WNT3: variants seen among roughly 807,000 people sequenced by gnomAD.
WNT3 encodes Wnt family member 3.
Under a neutral mutation model 34.2 loss-of-function variants are expected in WNT3, and 7 were observed. The observed-to-expected ratio is 0.20, with a 90% CI of 0.12 to 0.38. The LOEUF (loss-of-function observed/expected upper bound fraction) is 0.38. WNT3 is among the 10% of genes least tolerant of loss of function. The probability of loss-of-function intolerance (pLI) is 1.00; values close to 1 mark genes in which losing one functional copy is unlikely to be tolerated. For missense variants in WNT3, 267 were observed against 499.8 expected (o/e 0.53, Z 4.44); for synonymous variants, 212 against 211.5 (o/e 1.00, Z -0.02).
At chr17:46,765,507 C>A (rs1023649822) in intron 4 of WNT3, among the ~76,000 whole-genome samples, 1 of 151,660 alleles carries the variant, frequency 6.6e-6, no homozygotes, top group Non-Finnish European at 1.5e-5. Context: ...CTCTCCTCAC[C>A]GTGTGGAGGG....
At chr17:46,812,223 T>C (rs2084285430) in intron 1 of WNT3, among the ~76,000 whole-genome samples, 2 of 151,982 alleles carry the variant, frequency 1.3e-5, no homozygotes, top group South Asian at 4.1e-4. Context: ...GGCAGCGGGA[T>C]AAAGAAGGAC....
intron 1 of WNT3, among the ~76,000 whole-genome samples, chr17:46,793,492 G>GGA (rs2084015042): frequency 2.0e-5 from 3 of 152,000 alleles, no homozygotes; most frequent in Admixed American, 2.0e-4. Flanking sequence ...CAGATCTTCC[G>GGA]CACTGGAGGT....
chr17:46,778,730 CG>C (rs1289660587), intron 1 of WNT3, among the ~76,000 whole-genome samples: 1 of 152,136 alleles, frequency 6.6e-6, no homozygotes, highest in African/African-American at 2.4e-5. Flanking sequence ...ATGACTCCAG[CG>C]GGGCTGTTTC....
chr17:46,808,176 T>C (rs1440879828), intron 1 of WNT3, among the ~76,000 whole-genome samples: 1 of 152,206 alleles, frequency 6.6e-6, no homozygotes, highest in Non-Finnish European at 1.5e-5. Context: ...GAGGCAGTGA[T>C]TTGATCAAGG....
intron 1 of WNT3, among the ~76,000 whole-genome samples, chr17:46,778,679 C>G (rs1254030666): frequency 6.6e-6 from 1 of 152,184 alleles, no homozygotes. Flanking sequence ...TTCTTTGTGC[C>G]AAAGTGTGCG....
At chr17:46,766,500 G>A (rs576988891) in intron 4 of WNT3, among the ~76,000 whole-genome samples, 6 of 151,954 alleles carry the variant, frequency 3.9e-5, no homozygotes, top group East Asian at 3.9e-4. Flanking sequence ...CTGAGTGGAC[G>A]AGTGGAGGCG....
rs374185346 is a variant in WNT3 at position 46,763,831 on chromosome 17, C to CAAAAAAAAAAAA, written c.*787_*798dup. The CAAAAAAAAAAAA allele has an allele frequency of 6.5e-5, 8 of 123,668 alleles. No individual in the cohort carries two copies. The highest frequency in any genetic ancestry group is 9.6e-5 in the African/African-American group (3 of 31,112). The allele number at this position is 123,668 out of a possible 1,614,324, so 7.7% of individuals were successfully genotyped here. ...GCCTATTTACAAGGTCCACTACCAC[C>CAAAAAAAAAAAA]AAAAAAAAAAAAAAACAAAAAAACA... is the stretch of plus-strand genomic sequence containing the variant. On this transcript the variant is annotated 3_prime_UTR_variant, in exon 5 of 5. Coordinates refer to ENST00000225512, the MANE Select transcript of WNT3 (RefSeq NM_030753.5).
At chr17:46,808,545 A>G (rs2146457493) in intron 1 of WNT3, among the ~76,000 whole-genome samples, 1 of 152,356 alleles carries the variant, frequency 6.6e-6, no homozygotes, top group African/African-American at 2.4e-5. Flanking sequence ...TTCCCATGCC[A>G]TGCCCAGGCT....
chr17:46,768,283 A>G lies in WNT3; in HGVS notation c.*8+29T>C, dbSNP rs779411768. The G allele has an allele frequency of 8.1e-6, 13 of 1,612,294 alleles. 1 individual carries two copies. The South Asian group carries it at 1.4e-4, about 18-fold the overall frequency. On this transcript the variant is annotated intron_variant, in intron 4 of 4. Coordinates refer to ENST00000225512, the MANE Select transcript of WNT3 (RefSeq NM_030753.5). This position sits in a 1 kb window ranked among gnomAD's most constrained non-coding sequence, Gnocchi z 5.0. ...CCCCATTCCCTGCGCCCAGGCTCCC[A>G]GCCTCCCCCCTGCTTCCCGGAGCCC... is the stretch of plus-strand genomic sequence containing the variant.
chr17:46,802,268 CTTTTA>C (rs1289246662), intron 1 of WNT3, among the ~76,000 whole-genome samples: 3 of 151,924 alleles, frequency 2.0e-5, no homozygotes, highest in African/African-American at 7.3e-5. Context: ...ACTTTCTTTT[CTTTTA>C]TTTATTTATT....
chr17:46,767,386 T>A (rs1351782673), intron 4 of WNT3, among the ~76,000 whole-genome samples: 2 of 152,184 alleles, frequency 1.3e-5, no homozygotes, highest in Non-Finnish European at 2.9e-5. Flanking sequence ...TATATGCCGC[T>A]TCCCCCCACC....
chr17:46,799,249 G>A (rs909709824), intron 1 of WNT3, among the ~76,000 whole-genome samples: 3 of 152,096 alleles, frequency 2.0e-5, no homozygotes, highest in East Asian at 3.9e-4. Flanking sequence ...CTTCAGATAG[G>A]CTTATTGGTT....
At chr17:46,798,654 C>A (rs1219146978) in intron 1 of WNT3, among the ~76,000 whole-genome samples, 3 of 152,164 alleles carry the variant, frequency 2.0e-5, no homozygotes. Context: ...CTTCCAGCCA[C>A]ACTCACTCAC....
intron 4 of WNT3, among the ~76,000 whole-genome samples, chr17:46,765,707 G>C (rs956793632): frequency 1.3e-5 from 2 of 152,248 alleles, no homozygotes; most frequent in South Asian, 4.1e-4. Context: ...GCTCTCGCCT[G>C]GGGAGGTGGC....
chr17:46,764,822 A>G (rs925753037), intron 4 of WNT3, among the ~76,000 whole-genome samples: 1 of 152,204 alleles, frequency 6.6e-6, no homozygotes, highest in Non-Finnish European at 1.5e-5. Context: ...TCACAGGAGC[A>G]GTAAGGCTTT....
chr17:46,763,846 A>AC lies in WNT3; in HGVS notation c.*783dup, dbSNP rs1555681413. On this transcript the variant is annotated 3_prime_UTR_variant, in exon 5 of 5. Coordinates refer to ENST00000225512, the MANE Select transcript of WNT3 (RefSeq NM_030753.5). ...CCACTACCACCAAAAAAAAAAAAAA[A>AC]CAAAAAAACAAAAAAAAAACTGCAT... 2.0e-5 allele frequency: 3 copies of AC among 149,820 alleles called. No homozygotes were observed. The highest frequency in any genetic ancestry group is 1.3e-4 in the Admixed American group (2 of 15,038). 9.3% of individuals were successfully genotyped at this position (149,820 alleles called of 1,614,324 possible). A position where few individuals can be genotyped will look rare whatever the true frequency, so the allele number is the denominator to read the frequency against.
At chr17:46,790,510 G>A (rs1028002667) in intron 1 of WNT3, among the ~76,000 whole-genome samples, 44 of 152,042 alleles carry the variant, frequency 2.9e-4, no homozygotes, top group African/African-American at 1.0e-3. Flanking sequence ...CTGGGGACCT[G>A]CCCACAGCCC....
At chr17:46,784,889 C>T (rs1273563658) in intron 1 of WNT3, among the ~76,000 whole-genome samples, 2 of 151,922 alleles carry the variant, frequency 1.3e-5, no homozygotes, top group East Asian at 1.9e-4. Context: ...CATTCTCCTG[C>T]CTCAGCCTCC....
intron 1 of WNT3, among the ~76,000 whole-genome samples, chr17:46,782,349 T>C (rs70602): frequency 0.84 from 128,416 of 152,128 alleles, 54,514 homozygotes; most frequent in East Asian, 1. Flanking sequence ...TGGTCATTTT[T>C]CTCTCCCTGT....
Sources: allele counts gnomAD v4.1 joint callset (sites outside exome capture counted in the v4.1 genomes callset), GRCh38; gene constraint gnomAD v4.1.1; non-coding constraint Gnocchi (gnomAD v3.1); transcripts MANE v1.5; gene names NCBI Gene and HGNC (gene_info 2026-07-23, HGNC 2026-07-21).